EXOC6: variants seen among roughly 807,000 people sequenced by gnomAD.
EXOC6 encodes SEC15-like 1.
Under a neutral mutation model 112.5 loss-of-function variants are expected in EXOC6, and 60 were observed. The observed-to-expected ratio is 0.53, with a 90% CI of 0.43 to 0.66. EXOC6 has a LOEUF of 0.66. Among genes scored for constraint, EXOC6 ranks in the 30% least tolerant of loss-of-function variants. The pLI is 0.00. For missense variants in EXOC6, 855 were observed against 957.1 expected (o/e 0.89, Z 1.41); for synonymous variants, 295 against 308.0 (o/e 0.96, Z 0.44).
chr10:92,976,230 A>G (rs1842596612), intron 18 of EXOC6, among the ~76,000 whole-genome samples: 1 of 152,186 alleles, frequency 6.6e-6, no homozygotes, highest in Non-Finnish European at 1.5e-5. Context: ...GTGGAATAGA[A>G]AGGGGGGAAA....
chr10:93,025,117 TAA>T, intron 20 of EXOC6, among the ~76,000 whole-genome samples: 1 of 152,336 alleles, frequency 6.6e-6, no homozygotes, highest in East Asian at 1.9e-4. Flanking sequence ...AGAAAAATAT[TAA>T]GTCTATGTTT....
intron 1 of EXOC6, among the ~76,000 whole-genome samples, chr10:92,864,177 A>C (rs1178082869): frequency 6.6e-6 from 1 of 152,244 alleles, no homozygotes; most frequent in Non-Finnish European, 1.5e-5. Flanking sequence ...ACTGTTATAT[A>C]GGCGGATTAC....
intron 19 of EXOC6, among the ~76,000 whole-genome samples, chr10:93,000,525 C>A (rs1843711878): frequency 6.6e-6 from 1 of 152,104 alleles, no homozygotes; most frequent in South Asian, 2.1e-4. Context: ...AGCCTGGGGC[C>A]ATTTGCAAGA....
chr10:92,881,121 A>T (rs974199088), intron 1 of EXOC6, among the ~76,000 whole-genome samples: 1 of 152,216 alleles, frequency 6.6e-6, no homozygotes, highest in African/African-American at 2.4e-5. Context: ...TGGCTCGCCC[A>T]CATTGCTGGC....
intron 19 of EXOC6, among the ~76,000 whole-genome samples, chr10:93,006,590 C>T (rs1843994924): frequency 6.6e-6 from 1 of 152,174 alleles, no homozygotes; most frequent in Non-Finnish European, 1.5e-5. Flanking sequence ...GCCAAGAATC[C>T]TAACTCTCCT....
At chr10:92,944,652 A>G (rs1185695307) in intron 13 of EXOC6, among the ~76,000 whole-genome samples, 1 of 152,178 alleles carries the variant, frequency 6.6e-6, no homozygotes, top group African/African-American at 2.4e-5. Context: ...TAATGGATAT[A>G]TTAATTTACA....
intron 19 of EXOC6, among the ~76,000 whole-genome samples, chr10:93,005,430 A>C (rs1380562264): frequency 6.6e-6 from 1 of 152,196 alleles, no homozygotes; most frequent in Non-Finnish European, 1.5e-5. Context: ...GTTCTGAATC[A>C]GTGTATGTAC....
intron 20 of EXOC6, among the ~76,000 whole-genome samples, chr10:93,027,117 C>T (rs551031586): frequency 2.6e-5 from 4 of 152,230 alleles, no homozygotes; most frequent in South Asian, 4.1e-4. Context: ...GGAGAAAGTC[C>T]GAGTGTTCTG....
intron 11 of EXOC6, 106 bp from the exon 12 acceptor site, chr10:92,935,708 C>T: frequency 1.2e-6 from 1 of 816,052 alleles, no homozygotes; most frequent in Non-Finnish European, 2.0e-6. Context: ...ATAAGTCTGG[C>T]AGATTAAAAG....
At chr10:93,030,893 C>T (rs1460856579) in intron 20 of EXOC6, among the ~76,000 whole-genome samples, 1 of 152,084 alleles carries the variant, frequency 6.6e-6, no homozygotes, top group African/African-American at 2.4e-5. Context: ...TTTCAAGATA[C>T]ACCTCCCCTT....
intron 2 of EXOC6, among the ~76,000 whole-genome samples, chr10:92,893,851 C>T (rs1243727383): frequency 2.6e-5 from 4 of 152,082 alleles, no homozygotes; most frequent in Non-Finnish European, 5.9e-5. Context: ...AAAATGTTAT[C>T]CTCTAAAATT....
chr10:93,052,725 A>G (rs1488133787), intron 20 of EXOC6, among the ~76,000 whole-genome samples: 1 of 152,170 alleles, frequency 6.6e-6, no homozygotes, highest in African/African-American at 2.4e-5. Flanking sequence ...TTACTTGACT[A>G]TTGGAAGAAA....
chr10:92,841,981 G>C (rs140458139), intron 1 of EXOC6, among the ~76,000 whole-genome samples: 8 of 152,112 alleles, frequency 5.3e-5, no homozygotes, highest in Admixed American at 1.3e-4. Context: ...TCAAGATCTG[G>C]AAAGTCCATG....
At chr10:92,978,671 A>G (rs959972529) in intron 18 of EXOC6, among the ~76,000 whole-genome samples, 4 of 152,358 alleles carry the variant, frequency 2.6e-5, no homozygotes, top group South Asian at 4.1e-4. Flanking sequence ...ATGGCATTAC[A>G]TTAAGCTACC....
At chr10:92,998,227 C>G (rs1019755449) in intron 19 of EXOC6, among the ~76,000 whole-genome samples, 1 of 152,076 alleles carries the variant, frequency 6.6e-6, no homozygotes, top group Non-Finnish European at 1.5e-5. Context: ...TGGGTTTTAT[C>G]AACCCTCAAA....
intron 18 of EXOC6, 85 bp from the exon 19 acceptor site, chr10:92,997,389 C>A: frequency 7.8e-7 from 1 of 1,278,162 alleles, no homozygotes; most frequent in Non-Finnish European, 1.1e-6. Context: ...AAAAAGAATG[C>A]CAGGTGTATG....
At chr10:93,056,804 C>T (rs1201627310) in intron 20 of EXOC6, 120 bp from the exon 21 acceptor site, 17 of 613,496 alleles carry the variant, frequency 2.8e-5, no homozygotes, top group Middle Eastern at 2.5e-4. Flanking sequence ...AATGAATTTC[C>T]GTATTCTGTT....
chr10:92,975,174 T>C (rs926054763), intron 18 of EXOC6, among the ~76,000 whole-genome samples: 19 of 149,146 alleles, frequency 1.3e-4, no homozygotes, highest in Non-Finnish European at 1.9e-4. Context: ...CGTCTCTGCC[T>C]GGCCGCCCAT....
chr10:93,019,856 C>G (rs1244397552), intron 20 of EXOC6, among the ~76,000 whole-genome samples: 1 of 152,162 alleles, frequency 6.6e-6, no homozygotes, highest in African/African-American at 2.4e-5. Context: ...GGCAAATGCT[C>G]AGCTTGCTTT....
Sources: gnomAD v4.1 joint callset for allele counts (sites outside exome capture counted in the v4.1 genomes callset) on GRCh38, gnomAD v4.1.1 for gene constraint, MANE v1.5 for transcripts, NCBI Gene and HGNC (gene_info 2026-07-23, HGNC 2026-07-21) for gene names.